The following HEATR5A variants were observed in gnomAD, a reference collection of about 807,000 sequenced individuals.
The protein encoded by HEATR5A is HEAT repeat-containing protein 5A.
HEATR5A carries 178 observed loss-of-function variants against 218.8 expected under a neutral mutation model. That is an observed-to-expected ratio of 0.81 (90% CI 0.72 to 0.92). The LOEUF is 0.92. HEATR5A is among the 40% of genes least tolerant of loss of function. The pLI is 0.00. For synonymous variants in HEATR5A, 864 were observed against 871.6 expected (o/e 0.99, Z 0.15); for missense variants, 2,420 against 2,418.9 (o/e 1.00, Z -0.01).
intron 9 of HEATR5A, among the ~76,000 whole-genome samples, chr14:31,385,500 T>A (rs2030181777): frequency 6.6e-6 from 1 of 152,150 alleles, no homozygotes; most frequent in East Asian, 1.9e-4. Flanking sequence ...GAATGATTTT[T>A]TTTTAACATG....
rs980333715 is a variant in HEATR5A at position 31,295,823 on chromosome 14, T to C, written c.5619+86A>G. Reference sequence around the variant, plus strand: ...AAAAATTGTAGTCTAATACTTCCTATTGGAGCCAACAAAATCACACAGAAA... The same window carrying C: ...AAAAATTGTAGTCTAATACTTCCTACTGGAGCCAACAAAATCACACAGAAA... On this transcript the variant is annotated intron_variant, in intron 34 of 35. Coordinates refer to ENST00000543095, the MANE Select transcript of HEATR5A (RefSeq NM_015473.4). The C allele has an allele frequency of 1.2e-5, 13 of 1,062,710 alleles. No homozygotes were observed. In the South Asian group the frequency reaches 1.6e-4, roughly 13 times the overall value. The allele number at this position is 1,062,710 out of a possible 1,614,324, so 65.8% of individuals were successfully genotyped here.
rs1260918391 is a variant in HEATR5A at position 31,313,111 on chromosome 14, C to T, written c.4298G>A (p.Arg1433Lys). The change falls in exon 28 of 36, where the codon AGA becomes AAA. Residue 1433 changes from arginine (R) to lysine (K), a missense_variant. Transcript: ENST00000543095. The part of the protein sequence containing the change: ...KTTTCLEDGI[R>K]NGSCSSDGLL... ...TCCATCTGATGAACATGATCCATTT[C>T]TGATACCGTCTTCTAAACAGGTGGT... 6.2e-7 allele frequency: 1 copy of T among 1,613,924 alleles called. No homozygotes were observed. Among genetic ancestry groups the T allele is most frequent in the South Asian group, 1.1e-5 (1 of 91,090 alleles).
At chr14:31,314,502 C>T (rs1164919445) in intron 27 of HEATR5A, among the ~76,000 whole-genome samples, 1 of 152,034 alleles carries the variant, frequency 6.6e-6, no homozygotes, top group Non-Finnish European at 1.5e-5. Context: ...GATGATCCGC[C>T]CACCTTGGCC....
At chr14:31,317,747 G>T (rs79462821) in intron 26 of HEATR5A, among the ~76,000 whole-genome samples, 1 of 152,088 alleles carries the variant, frequency 6.6e-6, no homozygotes, top group Non-Finnish European at 1.5e-5. Context: ...TTATTGTATC[G>T]TATAGACAAA....
At chr14:31,295,873 C>T (rs772682301) in intron 34 of HEATR5A, 36 bp downstream of exon 34, 7 of 1,589,024 alleles carry the variant, frequency 4.4e-6, no homozygotes, top group Non-Finnish European at 6.0e-6. Context: ...TAGCCATTGT[C>T]CTATTACATA....
rs1900746281 is a variant in HEATR5A at position 31,338,822 on chromosome 14, T to C, written c.3229-1208A>G. On this transcript the variant is annotated intron_variant, in intron 21 of 35. Transcript: ENST00000543095. ...GGTAGGTAGTAGGAGCTATTAAGAATATATAAGAAGAGTGTCAGGTGTGGT... is the reference window on the plus strand; with the variant it reads ...GGTAGGTAGTAGGAGCTATTAAGAACATATAAGAAGAGTGTCAGGTGTGGT... Among the ~76,000 whole-genome samples, 5 of 151,970 alleles carry C rather than the reference T, an allele frequency of 3.3e-5. No individual in the cohort carries two copies. In the South Asian group the frequency reaches 1.0e-3, roughly 32 times the overall value.
At chr14:31,413,796 G>C (rs1465258350) in intron 1 of HEATR5A, among the ~76,000 whole-genome samples, 1 of 152,186 alleles carries the variant, frequency 6.6e-6, no homozygotes, top group Non-Finnish European at 1.5e-5. Flanking sequence ...GAAGAAGAAG[G>C]TAATGTCCAT....
In HEATR5A at chr14:31,389,012, C is replaced by G. The variant is rs2139286306; in HGVS notation, c.773-7G>C. 3.1e-6 allele frequency: 5 copies of G among 1,596,446 alleles called. No individual in the cohort carries two copies. In the East Asian group the frequency reaches 1.1e-4, roughly 36 times the overall value. ...ATGCTTTGACGTGAGGCTGCTATGACAAAGAACAAAACTGTGATTCATATT... is the reference window on the plus strand; with the variant it reads ...ATGCTTTGACGTGAGGCTGCTATGAGAAAGAACAAAACTGTGATTCATATT... On this transcript the variant is annotated splice_polypyrimidine_tract_variant and splice_region_variant and intron_variant, in intron 6 of 35. Coordinates refer to ENST00000543095, the MANE Select transcript of HEATR5A (RefSeq NM_015473.4).
At chr14:31,398,636 G>C (rs80085102) in intron 4 of HEATR5A, 37 bp downstream of exon 4, 1 of 1,135,172 alleles carries the variant, frequency 8.8e-7, no homozygotes, top group South Asian at 1.4e-5. Flanking sequence ...ATAAAATGCT[G>C]TCTTTTCATT....
chr14:31,323,994 A>G (rs1900185947), intron 23 of HEATR5A, among the ~76,000 whole-genome samples, 190 bp from the exon 24 acceptor site: 1 of 152,160 alleles, frequency 6.6e-6, no homozygotes, highest in African/African-American at 2.4e-5. Context: ...ACAGCTGTCT[A>G]AAGGAGATGC....
chr14:31,326,730 C>A (rs1280893027), intron 22 of HEATR5A, among the ~76,000 whole-genome samples: 3 of 152,106 alleles, frequency 2.0e-5, no homozygotes, highest in African/African-American at 7.2e-5. Flanking sequence ...GCAACCTCCG[C>A]CTCCCAGGTT....
chr14:31,316,861 A>AT (rs1013479227), intron 26 of HEATR5A, among the ~76,000 whole-genome samples: 23 of 151,780 alleles, frequency 1.5e-4, no homozygotes, highest in African/African-American at 5.3e-4. Context: ...CTAATTTTTT[A>AT]TTTTTTTATA....
At chr14:31,300,445 T>A (rs927740762) in intron 33 of HEATR5A, among the ~76,000 whole-genome samples, 1 of 152,048 alleles carries the variant, frequency 6.6e-6, no homozygotes, top group Non-Finnish European at 1.5e-5. Flanking sequence ...TCTAATCCTT[T>A]AAGGCGTTGA....
chr14:31,380,816 T>C (rs2029948334), intron 10 of HEATR5A, among the ~76,000 whole-genome samples: 1 of 152,258 alleles, frequency 6.6e-6, no homozygotes, highest in Admixed American at 6.5e-5. Flanking sequence ...TAATTTTTTG[T>C]AGAACACATG....
intron 16 of HEATR5A, among the ~76,000 whole-genome samples, chr14:31,353,937 C>A (rs750934630): frequency 6.6e-6 from 1 of 151,922 alleles, no homozygotes; most frequent in Non-Finnish European, 1.5e-5. Flanking sequence ...GTAGCTGGGA[C>A]TACAGGCGCC....
intron 19 of HEATR5A, 120 bp downstream of exon 19, chr14:31,347,628 G>A (rs895500888): frequency 5.0e-5 from 36 of 722,052 alleles, no homozygotes; most frequent in African/African-American, 2.8e-4. Flanking sequence ...GGTTAACAAC[G>A]GCTTCCACAA....
intron 32 of HEATR5A, among the ~76,000 whole-genome samples, chr14:31,303,673 A>C (rs1899462442): frequency 6.6e-6 from 1 of 152,144 alleles, no homozygotes; most frequent in Non-Finnish European, 1.5e-5. Flanking sequence ...TACACGAAAA[A>C]ACAAAACTCA....
intron 14 of HEATR5A, among the ~76,000 whole-genome samples, chr14:31,363,041 A>G (rs762896731): frequency 3.7e-4 from 57 of 152,010 alleles, no homozygotes; most frequent in Non-Finnish European, 6.6e-4. Context: ...GTTTGAGACC[A>G]GCCTGGCCAA....
chr14:31,320,448 T>C (rs1595093480), intron 25 of HEATR5A: 4 of 1,352,522 alleles, frequency 3.0e-6, no homozygotes, highest in East Asian at 2.3e-5. Context: ...GCTGTGTCAG[T>C]GTCCCGGGAG....
Sources: allele counts gnomAD v4.1 joint callset (sites outside exome capture counted in the v4.1 genomes callset), GRCh38; gene constraint gnomAD v4.1.1; transcripts MANE v1.5; gene names NCBI Gene and HGNC (gene_info 2026-07-23, HGNC 2026-07-21).